ZNF254: variants seen among roughly 807,000 people sequenced by gnomAD.
The protein encoded by ZNF254 is zinc finger protein 254.
A neutral mutation model predicts 12.4 loss-of-function variants in ZNF254; 10 were observed. The observed-to-expected ratio is 0.80, with a 90% CI of 0.50 to 1.36. The LOEUF is 1.36. Ranked by LOEUF, ZNF254 falls within the 40% of genes most tolerant of loss-of-function variation. The probability of loss-of-function intolerance (pLI) is 0.00; values close to 1 mark genes in which losing one functional copy is unlikely to be tolerated. For missense variants in ZNF254, 996 were observed against 763.9 expected, an observed-to-expected ratio of 1.30 and a Z score of -3.58; for synonymous variants, 305 against 253.4, an observed-to-expected ratio of 1.20 and a Z score of -1.93.
intron 1 of ZNF254, among the ~76,000 whole-genome samples, chr19:24,097,280 A>T (rs1972728551): frequency 6.6e-6 from 1 of 152,230 alleles, no homozygotes; most frequent in Non-Finnish European, 1.5e-5. Flanking sequence ...AAAGTTGAGC[A>T]TAAAAATAGA....
At chr19:24,115,718 G>A (rs1327108020) in intron 3 of ZNF254, among the ~76,000 whole-genome samples, 1 of 152,052 alleles carries the variant, frequency 6.6e-6, no homozygotes, top group Non-Finnish European at 1.5e-5. Flanking sequence ...ATTGTTATGT[G>A]TGAATTTGAT....
chr19:24,119,132 T>G (rs1974309603), intron 3 of ZNF254, among the ~76,000 whole-genome samples: 1 of 147,728 alleles, frequency 6.8e-6, no homozygotes, highest in East Asian at 1.9e-4. Flanking sequence ...AAAAGTTATC[T>G]TCTTATGTCT....
At chr19:24,059,053 T>TGGCCC (rs1568431963) in intron 2 of ZNF254, among the ~76,000 whole-genome samples, 1 of 152,114 alleles carries the variant, frequency 6.6e-6, no homozygotes, top group African/African-American at 2.4e-5. Flanking sequence ...GATTGTAACA[T>TGGCCC]ACCGCTGGGC....
intron 1 of ZNF254, among the ~76,000 whole-genome samples, chr19:24,043,163 T>C (rs987251166): frequency 6.6e-6 from 1 of 152,176 alleles, no homozygotes; most frequent in Non-Finnish European, 1.5e-5. Context: ...CAAGCATACA[T>C]TTCATTTTCT....
Position 24,106,646 on chromosome 19 carries a change from AGGT to A in ZNF254, c.253+5_253+7del. On this transcript the variant is annotated splice_donor_5th_base_variant and intron_variant, in intron 3 of 3. Coordinates refer to ENST00000357002, the MANE Select transcript of ZNF254 (RefSeq NM_203282.4). The stretch of plus-strand genomic sequence containing the variant: ...TGAGATGGTGGATGAACCCCCAGGT[AGGT>A]GAGAGTGAATACAACAGATGACATG... 6.3e-7 allele frequency: 1 copy of A among 1,577,208 alleles called. No individual in the cohort carries two copies. The highest frequency in any genetic ancestry group is 1.7e-5 in the Admixed American group (1 of 58,826).
At chr19:24,048,627 T>C (rs924931161) in intron 2 of ZNF254, among the ~76,000 whole-genome samples, 2 of 152,164 alleles carry the variant, frequency 1.3e-5, no homozygotes, top group African/African-American at 4.8e-5. Context: ...GTTTTGTTTG[T>C]TTGTTTTTTT....
At chr19:24,085,421 T>TAG (rs1971994712), upstream of ZNF254, among the ~76,000 whole-genome samples, 1 of 132,634 alleles carries the variant, frequency 7.5e-6, no homozygotes, top group Admixed American at 7.8e-5. Flanking sequence ...TATATATATA[T>TAG]ATATAAAAAC....
chr19:24,126,586 C>T lies in ZNF254; in HGVS notation c.586C>T (p.His196Tyr). 1 of 1,603,740 alleles carries T rather than the reference C, an allele frequency of 6.2e-7. No homozygotes were observed. The highest frequency in any genetic ancestry group is 1.1e-5 in the South Asian group (1 of 88,466). ...KRVKLFCMLS[H>Y]KTQHKSIYHR... ...TGTCAAATTATTTTGCATGCTTTCACATAAAACCCAACACAAAAGCATTTA... is the reference window on the plus strand; with the variant it reads ...TGTCAAATTATTTTGCATGCTTTCATATAAAACCCAACACAAAAGCATTTA... Residue 196 changes from histidine (H) to tyrosine (Y), a missense_variant, in exon 4 of 4, where the codon CAT (histidine) becomes TAT (tyrosine). Transcript: ENST00000357002.
intron 1 of ZNF254, chr19:24,033,624 G>C: frequency 1.5e-5 from 6 of 413,480 alleles, no homozygotes; most frequent in South Asian, 1.1e-4. Flanking sequence ...GGGAAAGGGT[G>C]AGTGTGCGGG....
At chr19:24,058,387 TTTTCTTTTTCTTTCTTTCTTTC>T (rs368941034) in intron 2 of ZNF254, among the ~76,000 whole-genome samples, 21,501 of 150,322 alleles carry the variant, frequency 0.14, 1,699 homozygotes, top group Middle Eastern at 0.22. Flanking sequence ...GTGATGGGAG[TTTTCTTTTTCTTTCTTTCTTTC>T]TTTCTTTTTT....
chr19:24,099,888 A>T (rs545374802), intron 1 of ZNF254, among the ~76,000 whole-genome samples: 5 of 152,280 alleles, frequency 3.3e-5, no homozygotes, highest in East Asian at 3.9e-4. Flanking sequence ...GAGAATTTTT[A>T]AAAAATTATA....
chr19:24,093,085 A>T (rs577993616), intron 1 of ZNF254, among the ~76,000 whole-genome samples: 8 of 148,944 alleles, frequency 5.4e-5, no homozygotes, highest in South Asian at 2.1e-4. Context: ...TGTTAGCCAC[A>T]TGTTTGTCTT....
chr19:24,035,533 G>C (rs1404019452), intron 1 of ZNF254, among the ~76,000 whole-genome samples: 1 of 152,072 alleles, frequency 6.6e-6, no homozygotes, highest in Non-Finnish European at 1.5e-5. Context: ...AAAATTAGCC[G>C]GGCTTGGTGG....
intron 1 of ZNF254, among the ~76,000 whole-genome samples, chr19:24,100,340 G>A (rs1291717789): frequency 2.0e-5 from 3 of 150,302 alleles, no homozygotes; most frequent in East Asian, 1.9e-4. Context: ...CCACCCATCC[G>A]GGACCTAAAT....
At chr19:24,102,486 C>T (rs1319857410) in intron 1 of ZNF254, among the ~76,000 whole-genome samples, 1 of 151,634 alleles carries the variant, frequency 6.6e-6, no homozygotes, top group East Asian at 1.9e-4. Flanking sequence ...CAACTCTACA[C>T]CCTGCTTCAG....
intron 2 of ZNF254, among the ~76,000 whole-genome samples, chr19:24,078,267 A>G (rs1410922456): frequency 2.0e-5 from 3 of 152,130 alleles, no homozygotes; most frequent in African/African-American, 7.2e-5. Flanking sequence ...CCAACTGCTG[A>G]TCTCACCTGA....
intron 1 of ZNF254, among the ~76,000 whole-genome samples, chr19:24,037,661 G>A (rs1042217996): frequency 2.0e-5 from 3 of 152,138 alleles, no homozygotes; most frequent in Admixed American, 6.6e-5. Flanking sequence ...CCAGGCTGAA[G>A]TGCAGTGGTG....
intron 1 of ZNF254, among the ~76,000 whole-genome samples, chr19:24,099,875 G>C (rs1972904739): frequency 1.3e-5 from 2 of 152,156 alleles, no homozygotes; most frequent in Admixed American, 1.3e-4. Flanking sequence ...CTCTGGGGCT[G>C]AAGAGAATTT....
chr19:24,106,938 A>T, intron 3 of ZNF254: 1 of 417,820 alleles, frequency 2.4e-6, no homozygotes. Context: ...TGTTTTGTGG[A>T]CAGACAGATC....
Sources: gnomAD v4.1 joint callset for allele counts (sites outside exome capture counted in the v4.1 genomes callset) on GRCh38, gnomAD v4.1.1 for gene constraint, MANE v1.5 for transcripts, NCBI Gene and HGNC (gene_info 2026-07-23, HGNC 2026-07-21) for gene names.